Variants in CPED1 observed in about 807,000 individuals in gnomAD.
CPED1 encodes the protein cadherin-like and PC-esterase domain-containing protein 1.
Under a neutral mutation model 128.2 loss-of-function variants are expected in CPED1, and 114 were observed. That is an observed-to-expected ratio of 0.89 (90% confidence interval 0.76 to 1.04). The LOEUF (loss-of-function observed/expected upper bound fraction) is 1.04, where lower values mean the gene tolerates loss of function less well. Among genes scored for constraint, CPED1 ranks in the 50% least tolerant of loss-of-function variants. The pLI is 0.00. For missense variants in CPED1, 1,211 were observed against 1,207.1 expected, an observed-to-expected ratio of 1.00 and a Z score of -0.05; for synonymous variants, 462 against 426.7, an observed-to-expected ratio of 1.08 and a Z score of -1.02.
At chr7:121,051,510 T>C in intron 4 of CPED1, 1 of 452,122 alleles carries the variant, frequency 2.2e-6, no homozygotes, top group Non-Finnish European at 4.1e-6. Flanking sequence ...GGGGTTAGTT[T>C]TTATATCCTA....
intron 18 of CPED1, among the ~76,000 whole-genome samples, chr7:121,249,619 G>A (rs556634073): frequency 6.6e-6 from 1 of 152,066 alleles, no homozygotes; most frequent in African/African-American, 2.4e-5. Flanking sequence ...TCTCAGATAA[G>A]CAAACACTGA....
intron 16 of CPED1, among the ~76,000 whole-genome samples, chr7:121,230,404 T>A (rs1412262960): frequency 6.6e-6 from 1 of 152,018 alleles, no homozygotes. Flanking sequence ...ATTTCAGCTG[T>A]TTGGTGAGTA....
chr7:121,030,307 T>C (rs1452532280), intron 3 of CPED1, among the ~76,000 whole-genome samples: 1 of 152,216 alleles, frequency 6.6e-6, no homozygotes, highest in Non-Finnish European at 1.5e-5. Flanking sequence ...CTTTATTGAG[T>C]ACAGTATTCC....
intron 16 of CPED1, 99 bp from the exon 17 acceptor site, chr7:121,236,615 C>T: frequency 1.6e-6 from 1 of 607,952 alleles, no homozygotes; most frequent in Non-Finnish European, 2.8e-6. Flanking sequence ...CCCTTTTATC[C>T]ATAAAGGTTA....
chr7:121,027,347 G>C (rs1480224143), intron 3 of CPED1, among the ~76,000 whole-genome samples: 1 of 151,836 alleles, frequency 6.6e-6, no homozygotes, highest in Non-Finnish European at 1.5e-5. Context: ...TGTGAAGCAG[G>C]GAGTATTTCA....
intron 16 of CPED1, among the ~76,000 whole-genome samples, chr7:121,229,684 G>A (rs1260981035): frequency 6.6e-6 from 1 of 152,004 alleles, no homozygotes; most frequent in African/African-American, 2.4e-5. Context: ...GGCAGGAGCT[G>A]ATGAAACATT....
chr7:120,991,775 A>C (rs78992258), intron 2 of CPED1, among the ~76,000 whole-genome samples: 14,675 of 152,238 alleles, frequency 0.096, 1,098 homozygotes, highest in East Asian at 0.26. Flanking sequence ...TGCCAAACAC[A>C]TGATGAATTT....
intron 7 of CPED1, among the ~76,000 whole-genome samples, chr7:121,112,516 T>C (rs893494628): frequency 6.6e-6 from 1 of 152,176 alleles, no homozygotes; most frequent in Non-Finnish European, 1.5e-5. Flanking sequence ...GAATGAATTG[T>C]CCCTAACAGC....
intron 16 of CPED1, among the ~76,000 whole-genome samples, chr7:121,229,158 T>C (rs1482934231): frequency 6.6e-6 from 1 of 152,062 alleles, no homozygotes; most frequent in African/African-American, 2.4e-5. Context: ...CTAAGCATTA[T>C]ATACCCATGT....
chr7:121,236,301 T>C (rs761719748), intron 16 of CPED1, among the ~76,000 whole-genome samples: 6 of 152,190 alleles, frequency 3.9e-5, no homozygotes, highest in Non-Finnish European at 7.4e-5. Context: ...TGGTGTATCA[T>C]GAATTCTTAA....
At chr7:121,175,888 T>G (rs1345341422) in intron 16 of CPED1, among the ~76,000 whole-genome samples, 1 of 152,016 alleles carries the variant, frequency 6.6e-6, no homozygotes, top group Non-Finnish European at 1.5e-5. Context: ...CAGTTTTCTA[T>G]AACAAATAGA....
chr7:121,091,404 C>G (rs1368546687), intron 5 of CPED1, among the ~76,000 whole-genome samples: 1 of 152,066 alleles, frequency 6.6e-6, no homozygotes, highest in Non-Finnish European at 1.5e-5. Flanking sequence ...AGAGTAATGT[C>G]AAATACCAGA....
chr7:121,262,189 G>C (rs937676400), intron 18 of CPED1, among the ~76,000 whole-genome samples: 4 of 151,990 alleles, frequency 2.6e-5, no homozygotes, highest in Admixed American at 1.3e-4. Context: ...CTTCCTCCAT[G>C]AGTAAAGGCT....
At chr7:121,011,998 C>T (rs530688923) in intron 2 of CPED1, among the ~76,000 whole-genome samples, 2 of 152,274 alleles carry the variant, frequency 1.3e-5, no homozygotes, top group African/African-American at 4.8e-5. Flanking sequence ...ATTCCCAATA[C>T]AACCTCATAT....
chr7:121,117,425 A>C (rs4475420), intron 7 of CPED1, among the ~76,000 whole-genome samples: 1 of 152,128 alleles, frequency 6.6e-6, no homozygotes, highest in Admixed American at 6.5e-5. Context: ...TACAACATGT[A>C]CATTAAATTA....
At chr7:121,105,408 C>A (rs1794950895) in intron 7 of CPED1, among the ~76,000 whole-genome samples, 1 of 152,060 alleles carries the variant, frequency 6.6e-6, no homozygotes, top group Non-Finnish European at 1.5e-5. Context: ...TTCCCCTGAT[C>A]TTCATTTTAT....
chr7:121,159,489 TATG>T (rs1796364127), intron 16 of CPED1, among the ~76,000 whole-genome samples: 1 of 152,152 alleles, frequency 6.6e-6, no homozygotes, highest in South Asian at 2.1e-4. Context: ...ATGGATTCAT[TATG>T]ATAAGAAAGA....
chr7:121,046,160 C>T (rs1793187996), intron 3 of CPED1, among the ~76,000 whole-genome samples: 1 of 152,114 alleles, frequency 6.6e-6, no homozygotes, highest in Non-Finnish European at 1.5e-5. Context: ...ATGTACCCTT[C>T]TGAGATTATT....
chr7:121,101,966 T>C (rs1794860027), intron 7 of CPED1, among the ~76,000 whole-genome samples: 1 of 152,164 alleles, frequency 6.6e-6, no homozygotes, highest in African/African-American at 2.4e-5. Context: ...CCAAATTATA[T>C]CAAAATCCTT....
Sources: allele counts gnomAD v4.1 joint callset (sites outside exome capture counted in the v4.1 genomes callset), GRCh38; gene constraint gnomAD v4.1.1; transcripts MANE v1.5; gene names NCBI Gene and HGNC (gene_info 2026-07-23, HGNC 2026-07-21).